ZNF469: variants seen among roughly 807,000 people sequenced by gnomAD.
ZNF469 encodes zinc finger protein 469.
A neutral mutation model predicts 1.0 loss-of-function variants in ZNF469; 1 was observed. The observed-to-expected ratio is 1.00, with a 90% CI of 0.35 to 4.73. ZNF469 has a LOEUF of 4.73. Among genes scored for constraint, ZNF469 ranks in the 30% most tolerant of loss-of-function variants. The pLI is 0.16. For synonymous variants in ZNF469, 2,703 were observed against 2,363.4 expected (o/e 1.14, Z -4.17); for missense variants, 6,100 against 5,356.3 (o/e 1.14, Z -4.33).
At chr16:88,146,229 C>T in the ZNF469 span, among the ~76,000 whole-genome samples, 5 of 152,354 alleles carry the variant, frequency 3.3e-5, no homozygotes, top group African/African-American at 1.2e-4. Context: ...AGGACTCAGA[C>T]AGTGCCTGGC....
At chr16:88,133,276 C>G in the ZNF469 span, among the ~76,000 whole-genome samples, 1 of 152,248 alleles carries the variant, frequency 6.6e-6, no homozygotes, top group Non-Finnish European at 1.5e-5. Context: ...TGATGATTCC[C>G]ACGGTCAAAT....
the ZNF469 span, among the ~76,000 whole-genome samples, chr16:88,149,318 A>G: frequency 1.3e-5 from 2 of 152,110 alleles, no homozygotes; most frequent in African/African-American, 4.8e-5. Flanking sequence ...TCCCCTGGTG[A>G]GTGCTGGGCG....
the ZNF469 span, among the ~76,000 whole-genome samples, chr16:88,150,830 G>A: frequency 2.6e-5 from 4 of 152,076 alleles, no homozygotes; most frequent in African/African-American, 7.2e-5. Context: ...CCGTAGAAGC[G>A]CCGTGGGGTT....
the ZNF469 span, among the ~76,000 whole-genome samples, chr16:88,349,792 CCAGGCACA>C: frequency 6.9e-3 from 31 of 4,480 alleles, no homozygotes; most frequent in East Asian, 0.017. Context: ...TGCACACACA[CCAGGCACA>C]TTACACACAT....
the ZNF469 span, among the ~76,000 whole-genome samples, chr16:88,334,089 C>A: frequency 1.3e-5 from 2 of 150,540 alleles, no homozygotes; most frequent in Non-Finnish European, 3.0e-5. Context: ...TGTCTATGTG[C>A]ATGTGTATGT....
At position 88,430,220 on chromosome 16, in the gene ZNF469, G is replaced by T. The variant is rs768862670; in HGVS notation, c.2750G>T (p.Gly917Val). Residue 917 changes from glycine (G) to valine (V), a missense_variant, in exon 3 of 3, where the codon GGC becomes GTC. Physicochemically the swap from Gly to Val is moderately radical, Grantham distance 109. Transcript: ENST00000565624. ...DPQTPRPGDR[G>V]CPARGRPKTR... is the part of the protein sequence containing the mutation. ...CAAACCCCCCGCCCTGGGGACAGGG[G>T]CTGCCCAGCCCGAGGCAGGCCCAAA... The T allele has an allele frequency of 3.9e-6, 6 of 1,540,752 alleles. No individual in the cohort carries two copies. The highest frequency in any genetic ancestry group is 4.4e-6 in the Non-Finnish European group (5 of 1,142,192).
chr16:88,230,225 C>G, the ZNF469 span, among the ~76,000 whole-genome samples: 1 of 152,270 alleles, frequency 6.6e-6, no homozygotes, highest in Non-Finnish European at 1.5e-5. Flanking sequence ...GAGAACACAG[C>G]AGAACCACCC....
At chr16:88,142,797 G>C in the ZNF469 span, among the ~76,000 whole-genome samples, 1 of 152,218 alleles carries the variant, frequency 6.6e-6, no homozygotes, top group Non-Finnish European at 1.5e-5. Context: ...CCCTGATGTG[G>C]GTCACACCTG....
chr16:88,365,176 A>C, the ZNF469 span, among the ~76,000 whole-genome samples: 1 of 152,252 alleles, frequency 6.6e-6, no homozygotes, highest in Non-Finnish European at 1.5e-5. Flanking sequence ...AATCTCGAGC[A>C]GACCTCCAGG....
intron 1 of ZNF469, among the ~76,000 whole-genome samples, chr16:88,413,746 G>T (rs1348405515): frequency 2.6e-5 from 4 of 152,132 alleles, no homozygotes; most frequent in African/African-American, 9.7e-5. Context: ...GAGGGTGCAG[G>T]ACCCAGGGAC....
chr16:88,150,495 TG>T, the ZNF469 span, among the ~76,000 whole-genome samples: 1 of 152,112 alleles, frequency 6.6e-6, no homozygotes, highest in Admixed American at 6.5e-5. Flanking sequence ...CACGTTCAGG[TG>T]GGTGTTAGGG....
chr16:88,384,385 A>T (rs1252571648), intron 1 of ZNF469, among the ~76,000 whole-genome samples: 1 of 152,208 alleles, frequency 6.6e-6, no homozygotes, highest in African/African-American at 2.4e-5. Context: ...ACAGCCCTGC[A>T]TTCCTGAAAA....
the ZNF469 span, among the ~76,000 whole-genome samples, chr16:88,129,207 G>A: frequency 7.2e-5 from 11 of 152,338 alleles, no homozygotes; most frequent in East Asian, 1.2e-3. Context: ...CTGCCACAGC[G>A]TCATGCCAGG....
chr16:88,406,861 G>T (rs993047692), intron 1 of ZNF469, among the ~76,000 whole-genome samples: 2 of 152,174 alleles, frequency 1.3e-5, no homozygotes, highest in Admixed American at 6.5e-5. Flanking sequence ...AGCTTCCCCC[G>T]TCGGCCCCCA....
chr16:88,115,327 T>C, the ZNF469 span, among the ~76,000 whole-genome samples: 1 of 151,920 alleles, frequency 6.6e-6, no homozygotes, highest in Non-Finnish European at 1.5e-5. Context: ...AAAAACACAT[T>C]ATAAAAAGCT....
chr16:88,234,302 C>G, the ZNF469 span, among the ~76,000 whole-genome samples: 1 of 152,238 alleles, frequency 6.6e-6, no homozygotes, highest in African/African-American at 2.4e-5. Context: ...GAACTGTCAG[C>G]TTCCTATATT....
At chr16:88,136,974 ATGCATACAGCCATG>A in the ZNF469 span, among the ~76,000 whole-genome samples, 2 of 152,236 alleles carry the variant, frequency 1.3e-5, no homozygotes, top group African/African-American at 2.4e-5. Flanking sequence ...GTAACTATGG[ATGCATACAGCCATG>A]TGCATGTACA....
the ZNF469 span, among the ~76,000 whole-genome samples, chr16:88,153,004 G>A: frequency 4.6e-5 from 7 of 152,290 alleles, no homozygotes; most frequent in South Asian, 2.1e-4. Context: ...TCCGGCTGGC[G>A]TCTGCTGCTG....
At chr16:88,301,633 A>T in the ZNF469 span, among the ~76,000 whole-genome samples, 1 of 152,178 alleles carries the variant, frequency 6.6e-6, no homozygotes, top group Non-Finnish European at 1.5e-5. Flanking sequence ...ACGTCCAGGA[A>T]TTCCCAGGAG....
Sources: gnomAD v4.1 joint callset for allele counts (sites outside exome capture counted in the v4.1 genomes callset) on GRCh38, gnomAD v4.1.1 for gene constraint, MANE v1.5 for transcripts, NCBI Gene and HGNC (gene_info 2026-07-23, HGNC 2026-07-21) for gene names.